TLK1: variants seen among roughly 807,000 people sequenced by gnomAD.
The protein encoded by TLK1 is tousled like kinase 1, also known as serine/threonine-protein kinase tousled-like 1.
A neutral mutation model predicts 105.3 loss-of-function variants in TLK1; 24 were observed. That is an observed-to-expected ratio of 0.23 (90% confidence interval 0.17 to 0.32). TLK1 has a LOEUF of 0.32. Among genes scored for constraint, TLK1 ranks in the 10% least tolerant of loss-of-function variants. The pLI is 1.00. For synonymous variants in TLK1, 321 were observed against 310.4 expected (o/e 1.03, Z -0.36); for missense variants, 558 against 910.5 (o/e 0.61, Z 4.98).
intron 1 of TLK1, among the ~76,000 whole-genome samples, chr2:171,188,751 G>T (rs998669152): frequency 6.7e-6 from 1 of 150,356 alleles, no homozygotes; most frequent in East Asian, 1.9e-4. Flanking sequence ...GTGGTGGCAC[G>T]TGGTCCCAAC....
chr2:171,154,665 T>C (rs1398355742), intron 1 of TLK1, among the ~76,000 whole-genome samples: 2 of 152,186 alleles, frequency 1.3e-5, no homozygotes, highest in Non-Finnish European at 1.5e-5. Context: ...TACAATCACT[T>C]TCTCCCCTAT....
At chr2:171,037,235 A>T (rs1480052565) in intron 11 of TLK1, among the ~76,000 whole-genome samples, 3 of 152,052 alleles carry the variant, frequency 2.0e-5, no homozygotes, top group African/African-American at 7.2e-5. Context: ...TGAGGTCGGG[A>T]GTTCAAGACC....
intron 1 of TLK1, among the ~76,000 whole-genome samples, chr2:171,128,754 A>G (rs1254425025): frequency 6.6e-6 from 1 of 151,852 alleles, no homozygotes; most frequent in African/African-American, 2.4e-5. Flanking sequence ...ATGTACATGT[A>G]TATATATATA....
At chr2:171,036,636 G>A (rs1335437231) in intron 11 of TLK1, among the ~76,000 whole-genome samples, 1 of 152,236 alleles carries the variant, frequency 6.6e-6, no homozygotes, top group Non-Finnish European at 1.5e-5. Context: ...ACTGTCATCA[G>A]ATACCTGGTT....
chr2:171,210,281 T>A (rs6433284), intron 1 of TLK1, among the ~76,000 whole-genome samples: 48,865 of 151,554 alleles, frequency 0.32, 9,688 homozygotes, highest in East Asian at 0.85. Flanking sequence ...TTTTATTATT[T>A]TTTTTTTTTA....
At chr2:171,137,803 C>T (rs986067320) in intron 1 of TLK1, among the ~76,000 whole-genome samples, 1 of 151,244 alleles carries the variant, frequency 6.6e-6, no homozygotes, top group South Asian at 2.1e-4. Flanking sequence ...GAGCTGAGAT[C>T]GCGCCACTGC....
In TLK1 at chr2:171,152,574, T is replaced by A. The variant is rs558015198; in HGVS notation, c.139+7716A>T. Reference sequence around the variant, plus strand: ...AAAGAATTAAAACTAAGTATTTTTTTAAAATACTTTTTTACAGATTAGCTA... The same window carrying A: ...AAAGAATTAAAACTAAGTATTTTTTAAAAATACTTTTTTACAGATTAGCTA... On this transcript the variant is annotated intron_variant, in intron 1 of 20. Transcript: ENST00000431350. Among the ~76,000 whole-genome samples the A allele has an allele frequency of 5.9e-5, 9 of 152,312 alleles. No individual in the cohort carries two copies. The South Asian group carries it at 1.7e-3, about 28-fold the overall frequency.
intron 2 of TLK1, chr2:171,091,479 T>A (rs1413200553): frequency 6.6e-6 from 1 of 152,176 alleles, no homozygotes; most frequent in Non-Finnish European, 1.5e-5. Context: ...CATTCCAATT[T>A]CATGACAGCA....
intron 1 of TLK1, among the ~76,000 whole-genome samples, chr2:171,192,957 A>C (rs964514148): frequency 3.9e-5 from 6 of 152,250 alleles, no homozygotes; most frequent in African/African-American, 1.2e-4. Context: ...GCTGCCTAAT[A>C]GATCAATATA....
At chr2:171,220,121 A>G (rs1174147759) in intron 1 of TLK1, among the ~76,000 whole-genome samples, 1 of 152,192 alleles carries the variant, frequency 6.6e-6, no homozygotes, top group Non-Finnish European at 1.5e-5. Context: ...TAATATTTCC[A>G]TTTCAATATC....
chr2:171,026,122 G>A (rs1685761586), intron 12 of TLK1, among the ~76,000 whole-genome samples: 1 of 152,046 alleles, frequency 6.6e-6, no homozygotes, highest in South Asian at 2.1e-4. Context: ...AGACTGCTCA[G>A]TAAATTTGAT....
intron 10 of TLK1, among the ~76,000 whole-genome samples, chr2:171,048,962 C>T (rs1687096480): frequency 6.6e-6 from 1 of 152,204 alleles, no homozygotes; most frequent in Non-Finnish European, 1.5e-5. Context: ...TTTTCTACCA[C>T]CATCTGAACT....
chr2:171,161,476 A>C (rs1210574502), upstream of TLK1, among the ~76,000 whole-genome samples: 2 of 152,194 alleles, frequency 1.3e-5, no homozygotes, highest in African/African-American at 4.8e-5. Context: ...AGAGCTATGA[A>C]AATAAACATG....
At chr2:171,161,487 G>T (rs1692497900), upstream of TLK1, among the ~76,000 whole-genome samples, 1 of 152,136 alleles carries the variant, frequency 6.6e-6, no homozygotes, top group Non-Finnish European at 1.5e-5. Context: ...AATAAACATG[G>T]GTAGTGGGAG....
chr2:171,160,185 G>T lies in TLK1; in HGVS notation c.139+105C>A. 8.2e-7 allele frequency: 1 copy of T among 1,223,968 alleles called. No homozygotes were observed. The highest frequency in any genetic ancestry group is 1.0e-6 in the Non-Finnish European group (1 of 966,252). The allele number at this position is 1,223,968 out of a possible 1,614,324, so 75.8% of individuals were successfully genotyped here. On this transcript the variant is annotated intron_variant, in intron 1 of 20. Transcript: ENST00000431350. The surrounding 1 kb of genome is among the most constrained non-coding windows in gnomAD (Gnocchi z 4.4). ...ACCTCGCCACCATCCCCCACCCCAG[G>T]GTCTGGCGGAGAAGCCCCGGGGCGG...
At chr2:171,219,178 T>C (rs1342717744) in intron 1 of TLK1, among the ~76,000 whole-genome samples, 1 of 152,120 alleles carries the variant, frequency 6.6e-6, no homozygotes, top group African/African-American at 2.4e-5. Flanking sequence ...AGACCAGAAG[T>C]TTGAAATCAG....
intron 1 of TLK1, among the ~76,000 whole-genome samples, chr2:171,205,715 T>C (rs953661958): frequency 2.0e-5 from 3 of 152,246 alleles, no homozygotes; most frequent in Non-Finnish European, 4.4e-5. Context: ...GAGAGCGGCA[T>C]GTTCACACTT....
chr2:171,101,437 T>C (rs1310874217), intron 2 of TLK1, among the ~76,000 whole-genome samples: 2 of 150,080 alleles, frequency 1.3e-5, no homozygotes, highest in African/African-American at 5.0e-5. Flanking sequence ...AATCCAGAGA[T>C]ACAGAAAGTA....
intron 11 of TLK1, 135 bp from the exon 12 acceptor site, chr2:171,028,540 C>T (rs1685887331): frequency 5.1e-6 from 3 of 591,252 alleles, no homozygotes; most frequent in Non-Finnish European, 5.9e-6. Flanking sequence ...GCCAAAAATC[C>T]TTTGAGATAT....
Sources: gnomAD v4.1 joint callset for allele counts (sites outside exome capture counted in the v4.1 genomes callset) on GRCh38, gnomAD v4.1.1 for gene constraint, Gnocchi (gnomAD v3.1) non-coding constraint, MANE v1.5 for transcripts, NCBI Gene and HGNC (gene_info 2026-07-23, HGNC 2026-07-21) for gene names.